RASSF3: variants seen among roughly 807,000 people sequenced by gnomAD.
The protein encoded by RASSF3 is Ras association domain family member 3.
In RASSF3, 19 loss-of-function variants were observed where a neutral mutation model predicts 19.9. That is an observed-to-expected ratio of 0.96 (90% CI 0.67 to 1.40). RASSF3 has a LOEUF of 1.40. Among genes scored for constraint, RASSF3 ranks in the 40% most tolerant of loss-of-function variants. RASSF3 has a pLI of 0.00. For synonymous variants in RASSF3, 110 were observed against 104.2 expected, an observed-to-expected ratio of 1.06 and a Z score of -0.34; for missense variants, 306 against 289.8, an observed-to-expected ratio of 1.06 and a Z score of -0.41.
At chr12:64,606,917 A>G (rs983011206), upstream of RASSF3, among the ~76,000 whole-genome samples, 1 of 152,208 alleles carries the variant, frequency 6.6e-6, no homozygotes. Flanking sequence ...GTTGCTTAAC[A>G]TGACATTTTG....
At chr12:64,511,365 C>T (rs1004124272) in intron 1 of RASSF3, among the ~76,000 whole-genome samples, 3 of 152,034 alleles carry the variant, frequency 2.0e-5, no homozygotes, top group Non-Finnish European at 4.4e-5. Flanking sequence ...ACCTGTAATC[C>T]CAGCTACCCT....
intron 1 of RASSF3, among the ~76,000 whole-genome samples, chr12:64,684,180 G>A (rs1254960008): frequency 6.6e-6 from 1 of 150,806 alleles, no homozygotes; most frequent in Non-Finnish European, 1.5e-5. Flanking sequence ...TCGACCTCTG[G>A]GCTGAGGTGA....
chr12:64,671,686 C>T (rs1370622894), intron 1 of RASSF3, among the ~76,000 whole-genome samples: 1 of 152,196 alleles, frequency 6.6e-6, no homozygotes, highest in African/African-American at 2.4e-5. Flanking sequence ...TCAGATAAAA[C>T]CAAAACCTAG....
At chr12:64,556,825 C>T (rs1869263148) in intron 2 of RASSF3, among the ~76,000 whole-genome samples, 1 of 146,720 alleles carries the variant, frequency 6.8e-6, no homozygotes, top group African/African-American at 2.5e-5. Flanking sequence ...CCATCCCTGC[C>T]CCCTACCCCT....
At position 64,576,630 on chromosome 12, in the gene RASSF3, T is replaced by G. The variant is rs190963383; in HGVS notation, c.294+34925T>G. ...ACTTTGGGCAGCTGAGGAGGGCAGG[T>G]CAGTTGAGCCCAGGAGTTTGAGACC... On this transcript the variant is annotated intron_variant, in intron 2 of 5. Coordinates refer to the RASSF3 transcript ENST00000637125. Among the ~76,000 whole-genome samples the G allele has an allele frequency of 6.1e-3, 925 of 152,196 alleles. 8 individuals carry two copies. The highest frequency in any genetic ancestry group is 0.01 in the Non-Finnish European group (708 of 67,992).
At chr12:64,543,454 C>A (rs1174236153), downstream of RASSF3, among the ~76,000 whole-genome samples, 1 of 99,024 alleles carries the variant, frequency 1.0e-5, no homozygotes, top group Non-Finnish European at 2.2e-5. Context: ...GCCCGCCCGC[C>A]CCCCGCTCCC....
intron 1 of RASSF3, among the ~76,000 whole-genome samples, chr12:64,618,035 A>G (rs1870613738): frequency 2.0e-5 from 3 of 152,224 alleles, no homozygotes; most frequent in African/African-American, 7.2e-5. Flanking sequence ...AAACTGGTTA[A>G]TTCACCAAAA....
intron 1 of RASSF3, chr12:64,533,550 T>A (rs1159169235): frequency 6.6e-6 from 1 of 152,208 alleles, no homozygotes; most frequent in African/African-American, 2.4e-5. Context: ...TTATTTCTTG[T>A]AGGCAAACGT....
chr12:64,672,927 A>G (rs1872747044), intron 1 of RASSF3, among the ~76,000 whole-genome samples: 2 of 152,278 alleles, frequency 1.3e-5, no homozygotes, highest in Non-Finnish European at 2.9e-5. Flanking sequence ...CTTGATGTTC[A>G]GATTCCTGCT....
At chr12:64,537,779 T>G (rs1398292908) in intron 1 of RASSF3, among the ~76,000 whole-genome samples, 3 of 152,202 alleles carry the variant, frequency 2.0e-5, no homozygotes, top group Non-Finnish European at 4.4e-5. Flanking sequence ...TTTCTAAGGC[T>G]GCCATAACAA....
At chr12:64,515,412 C>CA (rs1444925818) in intron 1 of RASSF3, 1 of 151,998 alleles carries the variant, frequency 6.6e-6, no homozygotes, top group African/African-American at 2.4e-5. Flanking sequence ...CCCCAGATCC[C>CA]TTTTTTTTCC....
downstream of RASSF3, among the ~76,000 whole-genome samples, chr12:64,546,460 C>T (rs544625485): frequency 6.6e-4 from 101 of 152,068 alleles, no homozygotes; most frequent in African/African-American, 2.3e-3. Flanking sequence ...TTAGTAGAGA[C>T]GGGGTTTCAC....
In RASSF3 at chr12:64,605,456, A is replaced by G. The variant is rs148373706; in HGVS notation, c.294+63751A>G. Reference sequence around the variant, plus strand: ...TTTAAAAACTCTTACTTCTTTTTCTATCTGTCTCTACTGATTCTACCAATG... The same window carrying G: ...TTTAAAAACTCTTACTTCTTTTTCTGTCTGTCTCTACTGATTCTACCAATG... On this transcript the variant is annotated intron_variant, in intron 2 of 5. Coordinates refer to the RASSF3 transcript ENST00000637125. Among the ~76,000 whole-genome samples the G allele has an allele frequency of 6.1e-3, 929 of 152,084 alleles. 10 individuals are homozygous for G. The highest frequency in any genetic ancestry group is 0.021 in the African/African-American group (882 of 41,474).
At chr12:64,554,541 G>A (rs1452611897) in intron 2 of RASSF3, among the ~76,000 whole-genome samples, 10 of 152,122 alleles carry the variant, frequency 6.6e-5, no homozygotes, top group Admixed American at 6.6e-4. Context: ...CTGAACTCAG[G>A]TGATCCACCC....
intron 3 of RASSF3, among the ~76,000 whole-genome samples, chr12:64,689,921 G>A (rs1037938357): frequency 6.8e-6 from 1 of 147,748 alleles, no homozygotes; most frequent in East Asian, 2.1e-4. Flanking sequence ...CCGAGTAGCT[G>A]GGACTTACAG....
intron 1 of RASSF3, among the ~76,000 whole-genome samples, chr12:64,619,757 G>A (rs1232230702): frequency 4.6e-5 from 7 of 152,144 alleles, no homozygotes; most frequent in South Asian, 4.2e-4. Context: ...CAAGGCGGGC[G>A]GATCACGAGG....
At chr12:64,565,885 A>G (rs1162733648) in intron 2 of RASSF3, among the ~76,000 whole-genome samples, 4 of 22,296 alleles carry the variant, frequency 1.8e-4, no homozygotes, top group African/African-American at 3.7e-4. Flanking sequence ...TTCGTCTCAG[A>G]AAAAAAAAAA....
In RASSF3 at chr12:64,550,833, AG is replaced by A. The variant is rs869310769; in HGVS notation, c.294+9129del. On this transcript the variant is annotated intron_variant, in intron 2 of 5. Transcript: ENST00000637125. ...GAGACTCCATCTCAAAAAAAAAAAA[AG>A]AAAGAAAGAAAGGAAAAAAAAAAGA... Among the ~76,000 whole-genome samples the A allele has an allele frequency of 6.7e-4, 98 of 146,946 alleles. 5 individuals carry two copies. The highest frequency in any genetic ancestry group is 2.3e-3 in the African/African-American group (91 of 39,154).
chr12:64,545,278 A>G (rs1156567560), downstream of RASSF3, among the ~76,000 whole-genome samples: 1 of 152,188 alleles, frequency 6.6e-6, no homozygotes, highest in African/African-American at 2.4e-5. Flanking sequence ...CTTGGAAAAA[A>G]ATGTGGAGTT....
Sources: allele counts gnomAD v4.1 joint callset (sites outside exome capture counted in the v4.1 genomes callset), GRCh38; gene constraint gnomAD v4.1.1; transcripts MANE v1.5; gene names NCBI Gene and HGNC (gene_info 2026-07-23, HGNC 2026-07-21).